Variants in PCDHA6 observed in about 807,000 individuals in gnomAD.
PCDHA6 encodes the protein protocadherin alpha-6.
Under a neutral mutation model 60.3 loss-of-function variants are expected in PCDHA6, and 55 were observed. The observed-to-expected ratio is 0.91, with a 90% CI of 0.73 to 1.14. The LOEUF is 1.14. Among genes scored for constraint, PCDHA6 ranks in the 50% most tolerant of loss-of-function variants. PCDHA6 has a pLI of 0.00. For synonymous variants in PCDHA6, 652 were observed against 557.9 expected (o/e 1.17, Z -2.38); for missense variants, 1,327 against 1,256.5 (o/e 1.06, Z -0.85).
chr5:141,001,520 C>G (rs542518188), intron 3 of PCDHA6, among the ~76,000 whole-genome samples: 1 of 152,300 alleles, frequency 6.6e-6, no homozygotes, highest in South Asian at 2.1e-4. Flanking sequence ...CTTTCTCCCT[C>G]TCTCTCTGAT....
chr5:140,923,456 G>T (rs1554201450), intron 1 of PCDHA6, among the ~76,000 whole-genome samples: 3 of 152,134 alleles, frequency 2.0e-5, no homozygotes, highest in African/African-American at 7.2e-5. Flanking sequence ...TGAGCCCAGA[G>T]AGGTAGGGGC....
Position 140,853,699 on chromosome 5 carries a change from C to T in PCDHA6, c.2394+23214C>T. 5.1e-6 allele frequency: 5 copies of T among 984,902 alleles called. 1 individual carries two copies. Among genetic ancestry groups the T allele is most frequent in the Non-Finnish European group, 6.1e-6 (5 of 817,068 alleles). The allele number at this position is 984,902 out of a possible 1,614,324, so 61.0% of individuals were successfully genotyped here. On this transcript the variant is annotated intron_variant, in intron 1 of 3. Transcript: ENST00000529310. Reference sequence around the variant, plus strand: ...GTCAACCTATCCTTAGACCTGCTAACGCATTAGCATTAGCAGCACCTAAGT... The same window carrying T: ...GTCAACCTATCCTTAGACCTGCTAATGCATTAGCATTAGCAGCACCTAAGT...
chr5:140,895,174 A>T (rs1554186407), intron 1 of PCDHA6, among the ~76,000 whole-genome samples: 2 of 152,150 alleles, frequency 1.3e-5, no homozygotes, highest in African/African-American at 4.8e-5. Context: ...ATCTATTTGT[A>T]GTCCCTTCTG....
At chr5:140,857,914 C>A (rs781836779) in intron 1 of PCDHA6, 4 of 1,597,754 alleles carry the variant, frequency 2.5e-6, no homozygotes, top group South Asian at 2.2e-5. Flanking sequence ...TCCCGTTTCG[C>A]GTGGGGCTGT....
chr5:140,956,953 C>G (rs1347983778), intron 1 of PCDHA6, among the ~76,000 whole-genome samples: 1 of 135,202 alleles, frequency 7.4e-6, no homozygotes, highest in Non-Finnish European at 1.7e-5. Flanking sequence ...CATTAAAACA[C>G]TGTAATTAAT....
At chr5:140,842,230 G>A in intron 1 of PCDHA6, 1 of 1,612,910 alleles carries the variant, frequency 6.2e-7, no homozygotes, top group Non-Finnish European at 8.5e-7. Context: ...GAGAAATAGT[G>A]ATTCGGGGTA....
At chr5:140,871,205 T>C (rs1554165267) in intron 1 of PCDHA6, 3 of 1,613,774 alleles carry the variant, frequency 1.9e-6, no homozygotes, top group Admixed American at 3.3e-5. Flanking sequence ...TACCTGATCA[T>C]CGCCATCTGC....
intron 1 of PCDHA6, chr5:140,842,941 G>C (rs1388720747): frequency 3.1e-6 from 5 of 1,594,532 alleles, no homozygotes; most frequent in Admixed American, 1.7e-5. Context: ...CGCGCGACGC[G>C]GGCGTGCCGC....
At chr5:140,830,749 G>A (rs1170210676) in intron 1 of PCDHA6, 11 of 188,306 alleles carry the variant, frequency 5.8e-5, no homozygotes, top group Non-Finnish European at 1.1e-4. Context: ...GTTTTCTGTT[G>A]CATTTTAATT....
chr5:140,982,661 T>C, intron 3 of PCDHA6, 98 bp downstream of exon 3: 1 of 1,482,624 alleles, frequency 6.7e-7, no homozygotes, highest in Admixed American at 2.6e-5. Flanking sequence ...TCTTTTTCTT[T>C]TATATTTTTG....
intron 1 of PCDHA6, among the ~76,000 whole-genome samples, chr5:140,921,272 C>T (rs2080137544): frequency 6.6e-6 from 1 of 152,074 alleles, no homozygotes; most frequent in African/African-American, 2.4e-5. Context: ...TTTATACTTA[C>T]TTGAAAAAAA....
chr5:140,968,521 C>G, intron 1 of PCDHA6: 1 of 1,614,180 alleles, frequency 6.2e-7, no homozygotes, highest in Non-Finnish European at 8.5e-7. Context: ...CTACCTCAAC[C>G]AACTCGTCAG....
In PCDHA6 at chr5:141,010,797, AC is replaced by A. The variant is rs1329759215; in HGVS notation, c.*864del. Reference sequence around the variant, plus strand: ...AATACTTATGCAAAAGCAAAAGAAAACCCCGACACCTCACCTTTCGCTGTTT... The same window carrying A: ...AATACTTATGCAAAAGCAAAAGAAAACCCGACACCTCACCTTTCGCTGTTT... On this transcript the variant is annotated 3_prime_UTR_variant, in exon 4 of 4. Transcript: ENST00000529310. The A allele has an allele frequency of 6.5e-6, 1 of 153,778 alleles. No homozygotes were observed. The highest frequency in any genetic ancestry group is 2.4e-5 in the African/African-American group (1 of 41,460). 9.5% of individuals were successfully genotyped at this position (153,778 alleles called of 1,614,324 possible).
intron 3 of PCDHA6, among the ~76,000 whole-genome samples, chr5:140,997,680 G>A (rs954561672): frequency 6.6e-6 from 1 of 151,954 alleles, no homozygotes; most frequent in African/African-American, 2.4e-5. Context: ...GTGTGTGTGT[G>A]TGTGTGTGTG....
Position 140,850,285 on chromosome 5 carries a change from T to C in PCDHA6, c.2394+19800T>C. 3.8e-6 allele frequency: 6 copies of C among 1,595,604 alleles called. 1 individual carries two copies. The highest frequency in any genetic ancestry group is 4.5e-5 in the East Asian group (2 of 44,810). On this transcript the variant is annotated intron_variant, in intron 1 of 3. Coordinates refer to ENST00000529310, the MANE Select transcript of PCDHA6 (RefSeq NM_018909.4). ...GTAGTGGTGGGGAAGGTGCGCGCAG[T>C]GGACGCCGACTCGGGCTACAACGCG...
intron 1 of PCDHA6, chr5:140,836,063 C>T (rs2150251706): frequency 6.2e-7 from 1 of 1,613,542 alleles, no homozygotes; most frequent in East Asian, 2.2e-5. Flanking sequence ...ACGAGAACGA[C>T]AACGCGCCGG....
At chr5:140,981,289 C>G (rs1554242771) in intron 2 of PCDHA6, among the ~76,000 whole-genome samples, 1 of 152,138 alleles carries the variant, frequency 6.6e-6, no homozygotes, top group Non-Finnish European at 1.5e-5. Flanking sequence ...AAAGGGTCCT[C>G]TAGTCTAGGT....
intron 1 of PCDHA6, among the ~76,000 whole-genome samples, chr5:140,944,313 G>A (rs2093639720): frequency 6.6e-6 from 1 of 152,066 alleles, no homozygotes; most frequent in Non-Finnish European, 1.5e-5. Context: ...TCAGCCTCCT[G>A]AGTAGCTGGG....
chr5:140,840,160 G>A (rs1039841732), intron 1 of PCDHA6, among the ~76,000 whole-genome samples: 17 of 152,042 alleles, frequency 1.1e-4, no homozygotes, highest in African/African-American at 3.9e-4. Context: ...AAGGAGAGAT[G>A]GGATGTATAC....
Sources: gnomAD v4.1 joint callset for allele counts (sites outside exome capture counted in the v4.1 genomes callset) on GRCh38, gnomAD v4.1.1 for gene constraint, MANE v1.5 for transcripts, NCBI Gene and HGNC (gene_info 2026-07-23, HGNC 2026-07-21) for gene names.